The following PTPRT variants were observed in gnomAD, a reference collection of about 807,000 sequenced individuals.
PTPRT encodes protein tyrosine phosphatase receptor type T, also known as receptor-type tyrosine-protein phosphatase T.
In PTPRT, 56 loss-of-function variants were observed where a neutral mutation model predicts 176.8. The ratio of observed to expected loss-of-function variants is 0.32; its 90% CI spans 0.26 to 0.40. The LOEUF (loss-of-function observed/expected upper bound fraction) is 0.40, where lower values mean the gene tolerates loss of function less well. PTPRT is among the 10% of genes least tolerant of loss of function. The pLI is 1.00. For synonymous variants in PTPRT, 783 were observed against 739.0 expected, an observed-to-expected ratio of 1.06 and a Z score of -0.96; for missense variants, 1,540 against 1,908.2, an observed-to-expected ratio of 0.81 and a Z score of 3.60.
intron 15 of PTPRT, among the ~76,000 whole-genome samples, chr20:42,209,841 C>CA (rs1281005122): frequency 3.3e-5 from 5 of 151,902 alleles, no homozygotes; most frequent in African/African-American, 4.8e-5. Flanking sequence ...AGAGACACAA[C>CA]AAAAAAAGAG....
chr20:42,850,904 T>A (rs208263), intron 2 of PTPRT, among the ~76,000 whole-genome samples: 212 of 152,198 alleles, frequency 1.4e-3, no homozygotes, highest in African/African-American at 3.9e-3. Flanking sequence ...AACTCACAGA[T>A]GGGAAAAAAC....
intron 9 of PTPRT, among the ~76,000 whole-genome samples, chr20:42,419,241 CAGAGGTTG>C (rs1041573048): frequency 2.7e-4 from 41 of 152,284 alleles, no homozygotes; most frequent in Middle Eastern, 3.4e-3. Context: ...GTGGCCAAGA[CAGAGGTTG>C]AGCCTGGCTC....
At chr20:42,628,019 T>G (rs749678650) in intron 7 of PTPRT, among the ~76,000 whole-genome samples, 50 of 152,120 alleles carry the variant, frequency 3.3e-4, no homozygotes, top group Non-Finnish European at 4.7e-4. Context: ...GGTCAGTCAT[T>G]TGCAGAAACA....
intron 9 of PTPRT, among the ~76,000 whole-genome samples, chr20:42,384,657 A>G (rs1212507099): frequency 6.6e-6 from 1 of 152,170 alleles, no homozygotes; most frequent in African/African-American, 2.4e-5. Context: ...TGGTAATTCT[A>G]TTTTTAATCT....
At chr20:42,702,802 T>C (rs2075993899) in intron 6 of PTPRT, among the ~76,000 whole-genome samples, 1 of 152,182 alleles carries the variant, frequency 6.6e-6, no homozygotes, top group Non-Finnish European at 1.5e-5. Context: ...TAGAACCAGA[T>C]CTTCTTGATT....
chr20:42,113,126 A>C (rs905817640), intron 22 of PTPRT, among the ~76,000 whole-genome samples: 1 of 152,208 alleles, frequency 6.6e-6, no homozygotes, highest in African/African-American at 2.4e-5. Context: ...GCCTGCCTGC[A>C]TGCTGTGGAG....
At chr20:42,206,030 A>G (rs2055451090) in intron 15 of PTPRT, among the ~76,000 whole-genome samples, 1 of 152,128 alleles carries the variant, frequency 6.6e-6, no homozygotes, top group Non-Finnish European at 1.5e-5. Context: ...AGCATGTAGG[A>G]TGCAAGCCCT....
chr20:42,235,823 G>A (rs1214450682), intron 15 of PTPRT, among the ~76,000 whole-genome samples: 2 of 152,144 alleles, frequency 1.3e-5, no homozygotes, highest in African/African-American at 2.4e-5. Context: ...TAAACTTTGA[G>A]CCCCCAGGGC....
intron 5 of PTPRT, among the ~76,000 whole-genome samples, chr20:42,763,498 A>C (rs1053736993): frequency 1.3e-5 from 2 of 152,214 alleles, no homozygotes; most frequent in Non-Finnish European, 2.9e-5. Flanking sequence ...TATAAAAATA[A>C]AACAAAATAA....
intron 6 of PTPRT, among the ~76,000 whole-genome samples, chr20:42,747,618 TA>T (rs1190211352): frequency 6.6e-6 from 1 of 152,134 alleles, no homozygotes; most frequent in Admixed American, 6.5e-5. Context: ...ACCAGATCGA[TA>T]AAACAAGTGA....
chr20:42,775,145 A>T (rs559052756), intron 4 of PTPRT, among the ~76,000 whole-genome samples: 1 of 152,324 alleles, frequency 6.6e-6, no homozygotes, highest in Non-Finnish European at 1.5e-5. Flanking sequence ...CCCAGATGGG[A>T]TGCCACTGAA....
At chr20:42,275,369 C>G (rs1450079794) in intron 13 of PTPRT, among the ~76,000 whole-genome samples, 1 of 152,226 alleles carries the variant, frequency 6.6e-6, no homozygotes, top group East Asian at 1.9e-4. Context: ...TTAGAAGATG[C>G]AACTGCTTTG....
chr20:42,309,105 G>A (rs1159080319), intron 12 of PTPRT, among the ~76,000 whole-genome samples: 1 of 152,130 alleles, frequency 6.6e-6, no homozygotes, highest in Non-Finnish European at 1.5e-5. Context: ...CCTACATGAT[G>A]GAAAGGATAT....
chr20:42,683,286 G>GTT (rs2075635880), intron 6 of PTPRT, among the ~76,000 whole-genome samples: 1 of 151,840 alleles, frequency 6.6e-6, no homozygotes, highest in African/African-American at 2.4e-5. Context: ...GTTTTGTTTT[G>GTT]TTTTGTTTTG....
intron 9 of PTPRT, among the ~76,000 whole-genome samples, chr20:42,418,177 T>G (rs2059083845): frequency 6.6e-6 from 1 of 152,220 alleles, no homozygotes; most frequent in Non-Finnish European, 1.5e-5. Context: ...AAGTATAAAA[T>G]ATCTTGTTCA....
chr20:42,929,065 G>A (rs1200624564), intron 1 of PTPRT, among the ~76,000 whole-genome samples: 4 of 152,214 alleles, frequency 2.6e-5, no homozygotes, highest in African/African-American at 4.8e-5. Flanking sequence ...AGCAGGTACT[G>A]CAGGTAAGAC....
At chr20:42,372,036 C>A (rs2058593605) in intron 9 of PTPRT, among the ~76,000 whole-genome samples, 2 of 152,130 alleles carry the variant, frequency 1.3e-5, no homozygotes, top group Non-Finnish European at 2.9e-5. Context: ...ATTTTGGGTA[C>A]TGGGGGGAGA....
At chr20:42,320,297 A>C (rs2057782112) in intron 11 of PTPRT, among the ~76,000 whole-genome samples, 1 of 152,038 alleles carries the variant, frequency 6.6e-6, no homozygotes, top group South Asian at 2.1e-4. Flanking sequence ...TCTGGACCCT[A>C]AGCTAATGGT....
At chr20:42,782,587 C>A (rs146240106) in intron 3 of PTPRT, among the ~76,000 whole-genome samples, 1 of 152,198 alleles carries the variant, frequency 6.6e-6, no homozygotes, top group African/African-American at 2.4e-5. Flanking sequence ...TGCCTCAGCC[C>A]TCATCTTCAT....
Sources: allele counts gnomAD v4.1 joint callset (sites outside exome capture counted in the v4.1 genomes callset), GRCh38; gene constraint gnomAD v4.1.1; transcripts MANE v1.5; gene names NCBI Gene and HGNC (gene_info 2026-07-23, HGNC 2026-07-21).